Variants in C12orf42 observed in about 807,000 individuals in gnomAD.
C12orf42 encodes chromosome 12 open reading frame 42.
In C12orf42, 25 loss-of-function variants were observed where a neutral mutation model predicts 21.6. The ratio of observed to expected loss-of-function variants is 1.16; its 90% CI spans 0.84 to 1.62. The LOEUF (loss-of-function observed/expected upper bound fraction) is 1.62. C12orf42 is among the 40% of genes most tolerant of loss of function. The pLI is 0.00. For missense variants in C12orf42, 483 were observed against 459.3 expected (o/e 1.05, Z -0.47); for synonymous variants, 174 against 175.0 (o/e 0.99, Z 0.05).
chr12:103,146,613 A>AAGAAAGAAAGG, the C12orf42 span, among the ~76,000 whole-genome samples: 1 of 151,936 alleles, frequency 6.6e-6, no homozygotes, highest in East Asian at 1.9e-4. Context: ...AGAAAGAAAA[A>AAGAAAGAAAGG]GAAAAGTAAA....
chr12:103,445,915 G>T (rs1951547033), intron 2 of C12orf42, among the ~76,000 whole-genome samples: 1 of 151,758 alleles, frequency 6.6e-6, no homozygotes, highest in Non-Finnish European at 1.5e-5. Flanking sequence ...TCTTGAATTG[G>T]TTTTTGTATA....
the C12orf42 span, among the ~76,000 whole-genome samples, chr12:103,087,958 TAC>T: frequency 2.0e-5 from 3 of 152,366 alleles, no homozygotes; most frequent in African/African-American, 7.2e-5. Context: ...GTACTAAATA[TAC>T]GTTTTGCAGT....
chr12:103,360,664 A>G (rs77621470), intron 4 of C12orf42, among the ~76,000 whole-genome samples: 2,808 of 148,790 alleles, frequency 0.019, 110 homozygotes, highest in African/African-American at 0.065. Context: ...TAAAAGAATA[A>G]AGAAGTTGGC....
the C12orf42 span, among the ~76,000 whole-genome samples, chr12:103,158,645 C>G: frequency 6.6e-6 from 1 of 151,994 alleles, no homozygotes; most frequent in South Asian, 2.1e-4. Flanking sequence ...CTTTGGGAGG[C>G]CGATGTAGGC....
At chr12:103,073,750 A>G in the C12orf42 span, among the ~76,000 whole-genome samples, 1 of 152,322 alleles carries the variant, frequency 6.6e-6, no homozygotes, top group African/African-American at 2.4e-5. Flanking sequence ...ATATTCATGG[A>G]AAATAAGTAC....
At chr12:103,255,645 C>T (rs1023281225) in intron 10 of C12orf42, among the ~76,000 whole-genome samples, 1 of 151,914 alleles carries the variant, frequency 6.6e-6, no homozygotes, top group Admixed American at 6.6e-5. Context: ...ACCATTTAGT[C>T]TAAAATTAAT....
chr12:103,225,790 G>A, the C12orf42 span, among the ~76,000 whole-genome samples: 4 of 152,194 alleles, frequency 2.6e-5, no homozygotes, highest in Admixed American at 1.3e-4. Flanking sequence ...GGAGGCAAGG[G>A]AAACAGGCCC....
the C12orf42 span, among the ~76,000 whole-genome samples, chr12:103,229,914 C>T: frequency 6.6e-6 from 1 of 152,208 alleles, no homozygotes; most frequent in African/African-American, 2.4e-5. Flanking sequence ...GAAGCCACCA[C>T]ATCCGAGGAG....
At position 103,302,484 on chromosome 12, in the gene C12orf42, C is replaced by T. The variant is rs2037797060; in HGVS notation, c.707G>A (p.Gly236Asp). 1 of 1,613,588 alleles carries T rather than the reference C, an allele frequency of 6.2e-7. No individual in the cohort carries two copies. The highest frequency in any genetic ancestry group is 8.5e-7 in the Non-Finnish European group (1 of 1,179,812). Residue 236 changes from glycine to aspartate, a missense_variant, in exon 6 of 6, where the codon GGC becomes GAC. By Grantham distance (94) the Gly-to-Asp change is moderately conservative (BLOSUM62 -1). Transcript: ENST00000548883. The part of the protein sequence containing the change: ...SQTPGALQST[G>D]PSNTELEPEE... ...CGGCTCGAGCTCTGTGTTACTCGGG[C>T]CGGTGCTCTGCAGAGCGCCGGGCGT...
the C12orf42 span, among the ~76,000 whole-genome samples, chr12:103,506,851 T>A: frequency 0.034 from 2,349 of 68,358 alleles, 263 homozygotes; most frequent in African/African-American, 0.12. Flanking sequence ...ATATATATAT[T>A]TATATATTAT....
At chr12:103,549,994 CT>C in the C12orf42 span, among the ~76,000 whole-genome samples, 1 of 152,146 alleles carries the variant, frequency 6.6e-6, no homozygotes, top group African/African-American at 2.4e-5. Context: ...GTAAAGTTCC[CT>C]GTCAGAAATT....
At chr12:103,453,970 C>A (rs1258808199) in intron 2 of C12orf42, among the ~76,000 whole-genome samples, 1 of 152,014 alleles carries the variant, frequency 6.6e-6, no homozygotes, top group Non-Finnish European at 1.5e-5. Flanking sequence ...TTTTAAACAC[C>A]TGGATAATTG....
At chr12:103,456,746 GA>G (rs1952323534) in intron 2 of C12orf42, among the ~76,000 whole-genome samples, 1 of 152,100 alleles carries the variant, frequency 6.6e-6, no homozygotes, top group Admixed American at 6.6e-5. Context: ...GTAGACCTTA[GA>G]AACTGCATTG....
chr12:103,451,038 CTCTCTA>C (rs1192054320), intron 2 of C12orf42, among the ~76,000 whole-genome samples: 2 of 152,024 alleles, frequency 1.3e-5, no homozygotes, highest in African/African-American at 4.8e-5. Flanking sequence ...CCCTCTTCCT[CTCTCTA>C]TATCATTGTC....
chr12:103,343,760 G>A (rs529683608), intron 4 of C12orf42, among the ~76,000 whole-genome samples: 48 of 143,126 alleles, frequency 3.4e-4, no homozygotes, highest in Non-Finnish European at 6.5e-4. Context: ...GGCAACAAGA[G>A]TGAAACTCTG....
chr12:103,100,519 T>C, the C12orf42 span, among the ~76,000 whole-genome samples: 1 of 152,238 alleles, frequency 6.6e-6, no homozygotes. Context: ...ACTAATGAGC[T>C]CTGAATGCCC....
the C12orf42 span, among the ~76,000 whole-genome samples, chr12:103,528,659 G>A: frequency 3.3e-5 from 5 of 152,180 alleles, no homozygotes; most frequent in Non-Finnish European, 2.9e-5. Context: ...GCCATGAATA[G>A]AAGCCACCTG....
At chr12:103,247,350 AC>A (rs2034059520) in intron 10 of C12orf42, among the ~76,000 whole-genome samples, 1 of 151,918 alleles carries the variant, frequency 6.6e-6, no homozygotes, top group African/African-American at 2.4e-5. Flanking sequence ...TTTGTTCTAG[AC>A]CTCATAAAAC....
At chr12:103,075,514 A>G in the C12orf42 span, among the ~76,000 whole-genome samples, 1 of 152,228 alleles carries the variant, frequency 6.6e-6, no homozygotes, top group East Asian at 1.9e-4. Flanking sequence ...AATAATCACT[A>G]AGAGCCTAAG....
Sources: allele counts gnomAD v4.1 joint callset (sites outside exome capture counted in the v4.1 genomes callset), GRCh38; gene constraint gnomAD v4.1.1; transcripts MANE v1.5; gene names NCBI Gene and HGNC (gene_info 2026-07-23, HGNC 2026-07-21).